The following SNTG1 variants were observed in gnomAD, a reference collection of about 807,000 sequenced individuals.
SNTG1 encodes the protein syntrophin gamma 1, also known as gamma-1-syntrophin.
A neutral mutation model predicts 74.7 loss-of-function variants in SNTG1; 39 were observed. That is an observed-to-expected ratio of 0.52 (90% CI 0.40 to 0.68). The LOEUF is 0.68. Among genes scored for constraint, SNTG1 ranks in the 30% least tolerant of loss-of-function variants. SNTG1 has a pLI of 0.00. For missense variants in SNTG1, 685 were observed against 609.5 expected (o/e 1.12, Z -1.30); for synonymous variants, 254 against 217.1 (o/e 1.17, Z -1.49).
In SNTG1 at chr8:50,126,987, G is replaced by A. The variant is rs191176055; in HGVS notation, c.-102-45574G>A. On this transcript the variant is annotated intron_variant, in intron 1 of 18. Transcript: ENST00000642720. Reference sequence around the variant, plus strand: ...ACATCACAGTTATATCTGGGGTCATGGAAGTTAAAATGGTTAAGAACCTCC... The same window carrying A: ...ACATCACAGTTATATCTGGGGTCATAGAAGTTAAAATGGTTAAGAACCTCC... 1.0e-3 allele frequency among the ~76,000 whole-genome samples: 154 copies of A among 152,228 alleles called. 3 individuals carry two copies. Among genetic ancestry groups the A allele is most frequent in the Non-Finnish European group, 5.7e-4 (39 of 68,008 alleles).
At chr8:50,170,395 A>G (rs1292412002) in intron 1 of SNTG1, among the ~76,000 whole-genome samples, 2 of 152,190 alleles carry the variant, frequency 1.3e-5, no homozygotes, top group African/African-American at 4.8e-5. Flanking sequence ...GAAAAAACTT[A>G]AAAGATATGA....
intron 1 of SNTG1, among the ~76,000 whole-genome samples, chr8:50,161,857 A>G (rs936846577): frequency 6.6e-6 from 1 of 152,218 alleles, no homozygotes; most frequent in Non-Finnish European, 1.5e-5. Context: ...AGGTTAAGAG[A>G]TAATTGTCTT....
At chr8:50,329,958 T>G (rs2090900644) in intron 2 of SNTG1, among the ~76,000 whole-genome samples, 1 of 152,182 alleles carries the variant, frequency 6.6e-6, no homozygotes, top group Non-Finnish European at 1.5e-5. Context: ...TTGCCACCAG[T>G]CTGTTTGCTA....
intron 2 of SNTG1, among the ~76,000 whole-genome samples, chr8:50,268,030 G>T (rs77733182): frequency 0.013 from 1,927 of 152,258 alleles, 41 homozygotes; most frequent in African/African-American, 0.044. Flanking sequence ...GCATCTGCAG[G>T]AAACTTCCAG....
At chr8:50,434,157 G>A (rs575892561) in intron 4 of SNTG1, among the ~76,000 whole-genome samples, 4 of 150,098 alleles carry the variant, frequency 2.7e-5, no homozygotes, top group African/African-American at 7.4e-5. Flanking sequence ...CTTTGTCCTT[G>A]CCATAGTTTG....
intron 2 of SNTG1, among the ~76,000 whole-genome samples, chr8:50,336,653 G>A (rs1232717055): frequency 6.6e-6 from 1 of 152,154 alleles, no homozygotes; most frequent in Non-Finnish European, 1.5e-5. Flanking sequence ...CCTTACATAT[G>A]GTAAACCCAC....
At chr8:50,335,233 A>G (rs2091102063) in intron 2 of SNTG1, among the ~76,000 whole-genome samples, 3 of 152,164 alleles carry the variant, frequency 2.0e-5, no homozygotes, top group African/African-American at 7.2e-5. Context: ...TATTGCAGTC[A>G]TAACAGATAA....
intron 2 of SNTG1, among the ~76,000 whole-genome samples, chr8:50,303,647 T>A (rs1235467260): frequency 6.6e-6 from 1 of 152,036 alleles, no homozygotes; most frequent in Non-Finnish European, 1.5e-5. Context: ...TATGCTTTGG[T>A]CTTCTGCAAA....
intron 1 of SNTG1, among the ~76,000 whole-genome samples, chr8:50,127,338 G>A (rs1207900214): frequency 6.6e-6 from 1 of 152,088 alleles, no homozygotes; most frequent in African/African-American, 2.4e-5. Flanking sequence ...GGGAATATGA[G>A]GTCATAATGA....
intron 4 of SNTG1, among the ~76,000 whole-genome samples, chr8:50,423,411 T>A (rs2093121426): frequency 6.6e-6 from 1 of 152,234 alleles, no homozygotes; most frequent in African/African-American, 2.4e-5. Context: ...CATTTAAGTT[T>A]CATTGACTTT....
intron 17 of SNTG1, among the ~76,000 whole-genome samples, chr8:50,741,370 G>A (rs565319065): frequency 5.3e-5 from 8 of 152,030 alleles, no homozygotes; most frequent in African/African-American, 9.6e-5. Flanking sequence ...TGATCTTCCC[G>A]CATCCACTTC....
chr8:50,454,006 C>T (rs897661603), intron 8 of SNTG1, among the ~76,000 whole-genome samples: 1 of 152,164 alleles, frequency 6.6e-6, no homozygotes. Flanking sequence ...CATGTGAACA[C>T]GTTTTGGAGC....
At chr8:50,179,856 T>G (rs1285810784) in intron 2 of SNTG1, among the ~76,000 whole-genome samples, 1 of 152,182 alleles carries the variant, frequency 6.6e-6, no homozygotes, top group Non-Finnish European at 1.5e-5. Context: ...ACAGCTATTG[T>G]GAAAAACTGC....
At chr8:50,182,324 G>A (rs1336067869) in intron 2 of SNTG1, among the ~76,000 whole-genome samples, 1 of 152,144 alleles carries the variant, frequency 6.6e-6, no homozygotes, top group Admixed American at 6.5e-5. Context: ...AAGTTAGGTG[G>A]TGAGATAATG....
intron 2 of SNTG1, among the ~76,000 whole-genome samples, chr8:50,288,110 G>GA (rs2088887451): frequency 6.6e-6 from 1 of 152,100 alleles, no homozygotes; most frequent in Non-Finnish European, 1.5e-5. Context: ...CTAGTATTGA[G>GA]AAAAATGCCT....
At chr8:50,078,640 A>G (rs948065313) in intron 1 of SNTG1, among the ~76,000 whole-genome samples, 1 of 152,074 alleles carries the variant, frequency 6.6e-6, no homozygotes, top group Non-Finnish European at 1.5e-5. Context: ...GGTTTGCTGC[A>G]CTTATCAATC....
chr8:50,422,199 A>G (rs2093097213), intron 4 of SNTG1, among the ~76,000 whole-genome samples: 2 of 152,126 alleles, frequency 1.3e-5, no homozygotes, highest in African/African-American at 2.4e-5. Context: ...ATATGTCAAC[A>G]TATATATTTT....
intron 17 of SNTG1, among the ~76,000 whole-genome samples, chr8:50,731,545 C>A (rs772814110): frequency 6.6e-6 from 1 of 152,002 alleles, no homozygotes; most frequent in African/African-American, 2.4e-5. Flanking sequence ...GGTTTCTAAC[C>A]AAATCAAAGT....
At chr8:50,308,769 A>T (rs1453522161) in intron 2 of SNTG1, among the ~76,000 whole-genome samples, 1 of 152,220 alleles carries the variant, frequency 6.6e-6, no homozygotes, top group African/African-American at 2.4e-5. Context: ...GTCCATAGAT[A>T]TTGGTGTCTT....
Sources: allele counts gnomAD v4.1 joint callset (sites outside exome capture counted in the v4.1 genomes callset), GRCh38; gene constraint gnomAD v4.1.1; transcripts MANE v1.5; gene names NCBI Gene and HGNC (gene_info 2026-07-23, HGNC 2026-07-21).